The following MAGI2 variants were observed in gnomAD, a reference collection of about 807,000 sequenced individuals.
MAGI2 encodes membrane associated guanylate kinase, WW and PDZ domain containing 2.
In MAGI2, 35 loss-of-function variants were observed where a neutral mutation model predicts 133.3. The ratio of observed to expected loss-of-function variants is 0.26; its 90% CI spans 0.20 to 0.35. MAGI2 has a LOEUF of 0.35. Among genes scored for constraint, MAGI2 ranks in the 10% least tolerant of loss-of-function variants. The pLI is 1.00. For synonymous variants in MAGI2, 729 were observed against 710.6 expected (o/e 1.03, Z -0.41); for missense variants, 1,636 against 1,863.4 (o/e 0.88, Z 2.25).
intron 2 of MAGI2, among the ~76,000 whole-genome samples, chr7:78,645,629 G>A (rs544870605): frequency 7.8e-6 from 1 of 128,822 alleles, no homozygotes; most frequent in Non-Finnish European, 1.7e-5. Flanking sequence ...CTATTTTGCA[G>A]ATATAAGTGT....
intron 6 of MAGI2, among the ~76,000 whole-genome samples, chr7:78,415,870 C>T (rs1036717573): frequency 6.6e-6 from 1 of 152,102 alleles, no homozygotes; most frequent in African/African-American, 2.4e-5. Flanking sequence ...TTTAATATTT[C>T]AACATTTCAT....
intron 6 of MAGI2, among the ~76,000 whole-genome samples, chr7:78,370,945 A>G (rs1442491063): frequency 6.6e-6 from 1 of 151,986 alleles, no homozygotes; most frequent in Non-Finnish European, 1.5e-5. Flanking sequence ...CAGAAGGATA[A>G]TAAGAGTAAA....
chr7:78,648,349 C>T (rs1478002209), intron 2 of MAGI2, among the ~76,000 whole-genome samples: 3 of 152,140 alleles, frequency 2.0e-5, no homozygotes, highest in Non-Finnish European at 4.4e-5. Context: ...AAAAAATGCT[C>T]AGTACGTTGC....
chr7:78,062,106 C>T lies in MAGI2; in HGVS notation c.3706+16841G>A, dbSNP rs890266129. On this transcript the variant is annotated intron_variant, in intron 21 of 21. Coordinates refer to ENST00000354212, the MANE Select transcript of MAGI2 (RefSeq NM_012301.4). Reference sequence around the variant, plus strand: ...CCTACAAGCACCCCGTTTTCCTTAACCCTTCCCCATATAGAGAGTTACTTT... The same window carrying T: ...CCTACAAGCACCCCGTTTTCCTTAATCCTTCCCCATATAGAGAGTTACTTT... Among the ~76,000 whole-genome samples the T allele has an allele frequency of 2.6e-5, 4 of 152,342 alleles. No homozygotes were observed. The South Asian group carries it at 8.3e-4, about 32-fold the overall frequency.
intron 1 of MAGI2, among the ~76,000 whole-genome samples, chr7:79,406,361 T>C (rs1460559004): frequency 6.6e-6 from 1 of 152,092 alleles, no homozygotes; most frequent in Non-Finnish European, 1.5e-5. Context: ...ATCATAAATG[T>C]AACTAGAGCC....
At chr7:78,660,692 A>G (rs537916797) in intron 2 of MAGI2, among the ~76,000 whole-genome samples, 1 of 152,304 alleles carries the variant, frequency 6.6e-6, no homozygotes, top group African/African-American at 2.4e-5. Context: ...ATGCTTTAGG[A>G]ACTTGAATAT....
At chr7:78,040,102 A>G (rs959016031) in intron 21 of MAGI2, among the ~76,000 whole-genome samples, 2 of 145,326 alleles carry the variant, frequency 1.4e-5, no homozygotes, top group East Asian at 4.1e-4. Flanking sequence ...CAAGGAAGAC[A>G]TTATTAGTAA....
At chr7:78,724,002 A>C (rs1820521238) in intron 2 of MAGI2, among the ~76,000 whole-genome samples, 1 of 152,166 alleles carries the variant, frequency 6.6e-6, no homozygotes, top group Admixed American at 6.5e-5. Flanking sequence ...CCAAAATAGC[A>C]GGGGTGTGGT....
At chr7:78,823,545 T>C (rs1480056638) in intron 2 of MAGI2, among the ~76,000 whole-genome samples, 1 of 129,574 alleles carries the variant, frequency 7.7e-6, no homozygotes, top group Non-Finnish European at 1.5e-5. Context: ...ATCGCGCCAC[T>C]GCACTCCAGC....
intron 9 of MAGI2, among the ~76,000 whole-genome samples, chr7:78,301,658 AT>A (rs769663651): frequency 3.0e-4 from 46 of 152,268 alleles, no homozygotes; most frequent in Non-Finnish European, 5.7e-4. Flanking sequence ...TTGACTGATG[AT>A]TGGAAACTTT....
At chr7:79,427,411 T>G (rs1847460250) in intron 1 of MAGI2, among the ~76,000 whole-genome samples, 1 of 152,134 alleles carries the variant, frequency 6.6e-6, no homozygotes, top group Non-Finnish European at 1.5e-5. Context: ...TTAAAAAAGA[T>G]GCCATCTATC....
chr7:78,158,105 A>T (rs368146262), intron 16 of MAGI2: 2 of 151,936 alleles, frequency 1.3e-5, no homozygotes, highest in Non-Finnish European at 2.9e-5. Context: ...CAACAACTTT[A>T]TTTCTTGAGT....
At chr7:78,846,877 T>G (rs542931309) in intron 2 of MAGI2, among the ~76,000 whole-genome samples, 2 of 152,066 alleles carry the variant, frequency 1.3e-5, no homozygotes, top group East Asian at 3.9e-4. Flanking sequence ...AAGCTTTTCC[T>G]TTTATTTTCC....
At chr7:78,949,188 C>G (rs1801671306) in intron 2 of MAGI2, among the ~76,000 whole-genome samples, 2 of 152,076 alleles carry the variant, frequency 1.3e-5, no homozygotes, top group African/African-American at 4.8e-5. Flanking sequence ...GTGTTTGCAA[C>G]AAACAGTGTT....
chr7:79,434,393 C>A (rs1422903567), intron 1 of MAGI2, among the ~76,000 whole-genome samples: 1 of 152,046 alleles, frequency 6.6e-6, no homozygotes, highest in Non-Finnish European at 1.5e-5. Context: ...TACTTTTTCA[C>A]AACAGTTTCA....
At chr7:78,446,610 A>G (rs1004907328) in intron 6 of MAGI2, among the ~76,000 whole-genome samples, 1 of 152,080 alleles carries the variant, frequency 6.6e-6, no homozygotes, top group African/African-American at 2.4e-5. Context: ...GTAGAAAGCT[A>G]TGCCTTGGGT....
chr7:78,889,379 T>C (rs1163898422), intron 2 of MAGI2, among the ~76,000 whole-genome samples: 2 of 152,030 alleles, frequency 1.3e-5, no homozygotes, highest in Admixed American at 6.6e-5. Flanking sequence ...ATACAGAGAA[T>C]GCCACAAAGA....
At chr7:79,448,456 A>T (rs1005925110) in intron 1 of MAGI2, among the ~76,000 whole-genome samples, 7 of 152,136 alleles carry the variant, frequency 4.6e-5, no homozygotes, top group African/African-American at 1.7e-4. Flanking sequence ...AATAGCATTT[A>T]CTAAAATCTA....
At chr7:78,724,522 C>T (rs918100694) in intron 2 of MAGI2, among the ~76,000 whole-genome samples, 10 of 152,128 alleles carry the variant, frequency 6.6e-5, no homozygotes, top group African/African-American at 2.2e-4. Context: ...CAGAACCCAA[C>T]TGTCTCACAA....
Sources: allele counts gnomAD v4.1 joint callset (sites outside exome capture counted in the v4.1 genomes callset), GRCh38; gene constraint gnomAD v4.1.1; transcripts MANE v1.5; gene names NCBI Gene and HGNC (gene_info 2026-07-23, HGNC 2026-07-21).